GPR176: variants seen among roughly 807,000 people sequenced by gnomAD.
GPR176 encodes the protein G protein-coupled receptor 176.
Under a neutral mutation model 35.4 loss-of-function variants are expected in GPR176, and 26 were observed. That is an observed-to-expected ratio of 0.74 (90% CI 0.54 to 1.02). GPR176 has a LOEUF of 1.02. Among genes scored for constraint, GPR176 ranks in the 50% least tolerant of loss-of-function variants. The pLI, the probability that GPR176 is intolerant of heterozygous loss-of-function variation, is 0.00. For synonymous variants in GPR176, 278 were observed against 271.3 expected, an observed-to-expected ratio of 1.02 and a Z score of -0.24; for missense variants, 597 against 665.3, an observed-to-expected ratio of 0.90 and a Z score of 1.13.
chr15:39,905,173 G>A (rs2033385298), intron 1 of GPR176, among the ~76,000 whole-genome samples: 1 of 152,164 alleles, frequency 6.6e-6, no homozygotes, highest in Non-Finnish European at 1.5e-5. Context: ...GGGATTTTGT[G>A]GAGGAGAGAA....
chr15:39,883,788 T>C (rs1273761345), intron 1 of GPR176, among the ~76,000 whole-genome samples: 1 of 152,200 alleles, frequency 6.6e-6, no homozygotes, highest in African/African-American at 2.4e-5. Context: ...CATAAGCAAA[T>C]GGGATCAGCA....
intron 1 of GPR176, among the ~76,000 whole-genome samples, chr15:39,864,110 C>T (rs147428047): frequency 6.6e-6 from 1 of 152,280 alleles, no homozygotes; most frequent in Non-Finnish European, 1.5e-5. Context: ...ATATGTGACT[C>T]TATGTCACAT....
intron 1 of GPR176, among the ~76,000 whole-genome samples, chr15:39,836,956 C>T (rs1449129850): frequency 6.6e-6 from 1 of 152,086 alleles, no homozygotes; most frequent in Non-Finnish European, 1.5e-5. Context: ...TATATGGGGA[C>T]ATCTGACTAA....
intron 1 of GPR176, among the ~76,000 whole-genome samples, chr15:39,876,318 T>C (rs758848878): frequency 2.0e-5 from 3 of 152,156 alleles, no homozygotes; most frequent in Non-Finnish European, 2.9e-5. Context: ...AAATAGCAGA[T>C]GCTACACTTC....
At chr15:39,886,648 TACTC>T (rs2032686470) in intron 1 of GPR176, among the ~76,000 whole-genome samples, 1 of 152,206 alleles carries the variant, frequency 6.6e-6, no homozygotes, top group Admixed American at 6.5e-5. Context: ...AAAAAGTGCT[TACTC>T]ACACTGATCT....
chr15:39,880,967 A>G (rs747484986), intron 1 of GPR176, among the ~76,000 whole-genome samples: 2 of 152,130 alleles, frequency 1.3e-5, no homozygotes, highest in Non-Finnish European at 2.9e-5. Flanking sequence ...ACCTGTCCTT[A>G]TCACTGCCCT....
In GPR176 at chr15:39,865,351, A is replaced by G. The variant is rs140128305; in HGVS notation, c.172+54504T>C. On this transcript the variant is annotated intron_variant, in intron 1 of 2. Transcript: ENST00000561100. ...AAAGAAAATGTTACATATATACACA[A>G]TGGAATATTATTCAACCATACAATA... is the stretch of plus-strand genomic sequence containing the variant. 6.9e-3 allele frequency among the ~76,000 whole-genome samples: 1,055 copies of G among 152,332 alleles called. 9 individuals are homozygous for G. Among genetic ancestry groups the G allele is most frequent in the Non-Finnish European group, 0.011 (764 of 68,006 alleles).
rs376573940 is a variant in GPR176, at chr15:39,913,944, G to A, written c.172+5911C>T. On this transcript the variant is annotated intron_variant, in intron 1 of 2. Coordinates refer to ENST00000561100, the MANE Select transcript of GPR176 (RefSeq NM_007223.3). ...GCCTGTAGTCCCAGCTGCTCGGGAGGCTGAGGCAGGAGAATGGCGTGAACC... is the reference window on the plus strand; with the variant it reads ...GCCTGTAGTCCCAGCTGCTCGGGAGACTGAGGCAGGAGAATGGCGTGAACC... Among the ~76,000 whole-genome samples the A allele has an allele frequency of 3.9e-5, 6 of 152,132 alleles. No homozygotes were observed. In the South Asian group the frequency reaches 1.0e-3, roughly 26 times the overall value.
intron 1 of GPR176, among the ~76,000 whole-genome samples, chr15:39,841,466 A>G (rs2029976901): frequency 6.6e-6 from 1 of 152,136 alleles, no homozygotes; most frequent in African/African-American, 2.4e-5. Context: ...TCCTTATAAA[A>G]AAGGGGAGAT....
At chr15:39,875,846 A>C (rs2032222484) in intron 1 of GPR176, among the ~76,000 whole-genome samples, 1 of 151,910 alleles carries the variant, frequency 6.6e-6, no homozygotes, top group African/African-American at 2.4e-5. Flanking sequence ...ACCACCTGTC[A>C]TCATCTGACT....
chr15:39,906,479 T>C (rs1362689926), intron 1 of GPR176, among the ~76,000 whole-genome samples: 1 of 152,238 alleles, frequency 6.6e-6, no homozygotes, highest in East Asian at 1.9e-4. Context: ...GGAAGGGTCA[T>C]GTCCCCAGGC....
intron 1 of GPR176, among the ~76,000 whole-genome samples, chr15:39,830,755 A>G (rs1375050848): frequency 6.6e-6 from 1 of 152,220 alleles, no homozygotes; most frequent in Non-Finnish European, 1.5e-5. Context: ...TTAATTCTAA[A>G]ATATCTCATT....
chr15:39,916,398 A>T (rs1162701610), intron 1 of GPR176, among the ~76,000 whole-genome samples: 2 of 152,230 alleles, frequency 1.3e-5, no homozygotes, highest in East Asian at 3.8e-4. Context: ...AATACATATT[A>T]TTTGAATAAT....
intron 1 of GPR176, among the ~76,000 whole-genome samples, chr15:39,852,473 A>G (rs534618341): frequency 6.6e-6 from 1 of 152,316 alleles, no homozygotes; most frequent in East Asian, 1.9e-4. Flanking sequence ...AGATTTTGCA[A>G]AACAATCTGA....
intron 1 of GPR176, among the ~76,000 whole-genome samples, chr15:39,903,895 A>C (rs1400518533): frequency 6.6e-6 from 1 of 152,222 alleles, no homozygotes; most frequent in Non-Finnish European, 1.5e-5. Context: ...CAAGTTTATT[A>C]GGAAAATAAA....
chr15:39,812,481 G>C (rs1899632465), intron 1 of GPR176, among the ~76,000 whole-genome samples: 1 of 152,182 alleles, frequency 6.6e-6, no homozygotes, highest in Non-Finnish European at 1.5e-5. Context: ...ACTTACACCA[G>C]TGATCTGCCA....
chr15:39,918,166 T>C (rs1405112582), intron 1 of GPR176, among the ~76,000 whole-genome samples: 2 of 152,092 alleles, frequency 1.3e-5, no homozygotes, highest in African/African-American at 2.4e-5. Flanking sequence ...AAGTGCTATG[T>C]GGAGAAAAGC....
intron 1 of GPR176, among the ~76,000 whole-genome samples, chr15:39,880,816 G>A (rs746186391): frequency 7.2e-5 from 11 of 152,114 alleles, no homozygotes; most frequent in South Asian, 2.1e-4. Flanking sequence ...CTTTAACCCT[G>A]TTGCCATGCC....
chr15:39,857,226 G>A (rs2031281362), intron 1 of GPR176, among the ~76,000 whole-genome samples: 1 of 152,156 alleles, frequency 6.6e-6, no homozygotes, highest in Non-Finnish European at 1.5e-5. Context: ...TGTTCAGAGA[G>A]GGAATTTAGG....
Sources: gnomAD v4.1 joint callset for allele counts (sites outside exome capture counted in the v4.1 genomes callset) on GRCh38, gnomAD v4.1.1 for gene constraint, MANE v1.5 for transcripts, NCBI Gene and HGNC (gene_info 2026-07-23, HGNC 2026-07-21) for gene names.